The following SORCS3 variants were observed in gnomAD, a reference collection of about 807,000 sequenced individuals.
SORCS3 encodes the protein sortilin related VPS10 domain containing receptor 3.
SORCS3 carries 57 observed loss-of-function variants against 146.3 expected under a neutral mutation model. That is an observed-to-expected ratio of 0.39 (90% CI 0.31 to 0.49). SORCS3 has a LOEUF of 0.49. SORCS3 is among the 20% of genes least tolerant of loss of function. The pLI is 0.92. For missense variants in SORCS3, 1,341 were observed against 1,575.5 expected (o/e 0.85, Z 2.52); for synonymous variants, 653 against 618.5 (o/e 1.06, Z -0.83).
At chr10:104,987,165 G>T (rs753229181) in intron 4 of SORCS3, among the ~76,000 whole-genome samples, 7 of 151,780 alleles carry the variant, frequency 4.6e-5, no homozygotes, top group Non-Finnish European at 1.0e-4. Flanking sequence ...GTAAGGTAAA[G>T]AAAGGAAGGA....
intron 2 of SORCS3, among the ~76,000 whole-genome samples, chr10:104,867,543 T>C (rs1485544462): frequency 6.6e-6 from 1 of 152,122 alleles, no homozygotes; most frequent in Non-Finnish European, 1.5e-5. Context: ...TCTCCTGACC[T>C]CATGATCTGC....
intron 20 of SORCS3, among the ~76,000 whole-genome samples, chr10:105,224,835 ATAT>A (rs2056724860): frequency 6.6e-6 from 1 of 152,168 alleles, no homozygotes; most frequent in South Asian, 2.1e-4. Context: ...CCCAGATGAC[ATAT>A]TATTTAGAGA....
At chr10:105,151,845 AC>A (rs1281610879) in intron 9 of SORCS3, among the ~76,000 whole-genome samples, 1 of 152,140 alleles carries the variant, frequency 6.6e-6, no homozygotes, top group Non-Finnish European at 1.5e-5. Context: ...TGTTGTCATG[AC>A]TATAATTACA....
At chr10:104,759,249 A>G (rs1016443359) in intron 1 of SORCS3, among the ~76,000 whole-genome samples, 1 of 152,218 alleles carries the variant, frequency 6.6e-6, no homozygotes, top group African/African-American at 2.4e-5. Flanking sequence ...ATTAAAAGAT[A>G]ATCCCTTAAA....
intron 1 of SORCS3, among the ~76,000 whole-genome samples, chr10:104,783,900 C>T (rs1453468235): frequency 6.6e-6 from 1 of 152,130 alleles, no homozygotes; most frequent in African/African-American, 2.4e-5. Context: ...CAAGTGTTTC[C>T]AAAAGTTAAT....
Position 104,642,000 on chromosome 10 carries a change from AG to A in SORCS3, c.627+50del. ...GGGTCCGCCTGTTTCCTGACACCGAAGGGGAATGGGGGGGTGGGTGGGAGCG... is the reference window on the plus strand; with the variant it reads ...GGGTCCGCCTGTTTCCTGACACCGAAGGGAATGGGGGGGTGGGTGGGAGCG... On this transcript the variant is annotated intron_variant, in intron 1 of 26. Coordinates refer to ENST00000369701, the MANE Select transcript of SORCS3 (RefSeq NM_014978.3). This position sits in a 1 kb window ranked among gnomAD's most constrained non-coding sequence, Gnocchi z 6.4. The A allele has an allele frequency of 1.3e-5, 1 of 75,302 alleles. No homozygotes were observed. The highest frequency in any genetic ancestry group is 3.7e-4 in the African/African-American group (1 of 2,674). 4.7% of individuals were successfully genotyped at this position (75,302 alleles called of 1,614,324 possible). A position where few individuals can be genotyped will look rare whatever the true frequency, so the allele number is the denominator to read the frequency against.
chr10:104,817,480 C>G (rs1458536638), intron 1 of SORCS3, among the ~76,000 whole-genome samples: 1 of 92,200 alleles, frequency 1.1e-5, no homozygotes, highest in Non-Finnish European at 2.2e-5. Flanking sequence ...TTCCTCCTCT[C>G]CTTCTCCCTC....
intron 25 of SORCS3, among the ~76,000 whole-genome samples, chr10:105,261,895 C>A (rs1424459251): frequency 1.3e-5 from 2 of 152,092 alleles, no homozygotes; most frequent in African/African-American, 2.4e-5. Flanking sequence ...TCTATTATTT[C>A]TTGACTATTT....
chr10:104,766,803 G>A (rs2017185874), intron 1 of SORCS3, among the ~76,000 whole-genome samples: 1 of 152,214 alleles, frequency 6.6e-6, no homozygotes, highest in Non-Finnish European at 1.5e-5. Flanking sequence ...GTGTGGTGGA[G>A]TATAATTCTC....
intron 4 of SORCS3, among the ~76,000 whole-genome samples, chr10:105,015,386 T>C (rs1289648015): frequency 6.6e-6 from 1 of 152,212 alleles, no homozygotes; most frequent in Non-Finnish European, 1.5e-5. Context: ...GATCGAAGAA[T>C]GGATAAATTA....
chr10:105,215,520 C>T (rs1160221987), intron 18 of SORCS3, among the ~76,000 whole-genome samples: 4 of 152,180 alleles, frequency 2.6e-5, no homozygotes, highest in African/African-American at 9.7e-5. Context: ...TCAGCCTTCA[C>T]TCACAGCAGG....
At chr10:105,104,644 T>C (rs1401692681) in intron 6 of SORCS3, among the ~76,000 whole-genome samples, 1 of 152,252 alleles carries the variant, frequency 6.6e-6, no homozygotes, top group African/African-American at 2.4e-5. Flanking sequence ...AGCAGAGGTC[T>C]CACTTGAATT....
intron 1 of SORCS3, among the ~76,000 whole-genome samples, chr10:104,643,392 T>A (rs2015451322): frequency 6.6e-6 from 1 of 152,206 alleles, no homozygotes; most frequent in African/African-American, 2.4e-5. Context: ...TTTCTTGGTT[T>A]CTAATGATGC....
chr10:105,214,527 C>G lies in SORCS3; in HGVS notation c.2461C>G (p.Pro821Ala). 2 of 1,613,754 alleles carry G rather than the reference C, an allele frequency of 1.2e-6. No homozygotes were observed. Among genetic ancestry groups the G allele is most frequent in the Non-Finnish European group, 1.7e-6 (2 of 1,179,868 alleles). The change falls in exon 18 of 27, where the codon CCT (proline) becomes GCT (alanine). Residue 821 changes from proline to alanine, a missense_variant. Physicochemically the swap from Pro to Ala is conservative, Grantham distance 27. Coordinates refer to ENST00000369701, the MANE Select transcript of SORCS3 (RefSeq NM_014978.3). ...AKAQMCPGKA[P>A]RGLHVVTTDG... ...GGCCCAGATGTGCCCTGGAAAAGCC[C>G]CTCGGGGCCTCCATGTGGTGACGAC...
chr10:104,890,825 A>G (rs180764403), intron 2 of SORCS3, among the ~76,000 whole-genome samples: 154 of 152,312 alleles, frequency 1.0e-3, no homozygotes, highest in Non-Finnish European at 1.5e-4. Flanking sequence ...AGTCACGACA[A>G]TTAAACATTT....
intron 3 of SORCS3, among the ~76,000 whole-genome samples, chr10:104,945,802 A>T (rs1343132138): frequency 1.3e-5 from 2 of 150,108 alleles, no homozygotes; most frequent in African/African-American, 2.4e-5. Flanking sequence ...TTTTTTTTTT[A>T]AACTGTGTTT....
intron 2 of SORCS3, among the ~76,000 whole-genome samples, chr10:104,859,496 A>G (rs1351289935): frequency 6.6e-6 from 1 of 152,236 alleles, no homozygotes; most frequent in East Asian, 1.9e-4. Context: ...ACCATTCAGG[A>G]CATAGGCATG....
intron 1 of SORCS3, among the ~76,000 whole-genome samples, chr10:104,702,567 C>G (rs1276330008): frequency 6.6e-6 from 1 of 152,178 alleles, no homozygotes; most frequent in Non-Finnish European, 1.5e-5. Flanking sequence ...GAATTACAGG[C>G]GTGAACCACC....
In SORCS3 at chr10:105,123,622, C is replaced by T. The variant is rs536780118; in HGVS notation, c.1213-15775C>T. On this transcript the variant is annotated intron_variant, in intron 7 of 26. Transcript: ENST00000369701. Reference sequence around the variant, plus strand: ...GTAAATAAGAAAACCACAGTTCCTGCCATAACAGGGTTTATAGTCGAGAGA... The same window carrying T: ...GTAAATAAGAAAACCACAGTTCCTGTCATAACAGGGTTTATAGTCGAGAGA... Among the ~76,000 whole-genome samples, 8 of 152,176 alleles carry T rather than the reference C, an allele frequency of 5.3e-5. No homozygotes were observed. In the South Asian group the frequency reaches 1.7e-3, roughly 32 times the overall value.
Sources: gnomAD v4.1 joint callset for allele counts (sites outside exome capture counted in the v4.1 genomes callset) on GRCh38, gnomAD v4.1.1 for gene constraint, Gnocchi (gnomAD v3.1) non-coding constraint, MANE v1.5 for transcripts, NCBI Gene and HGNC (gene_info 2026-07-23, HGNC 2026-07-21) for gene names.